Variants in NUP188 observed in about 807,000 individuals in gnomAD.
NUP188 encodes nucleoporin 188.
In NUP188, 97 loss-of-function variants were observed where a neutral mutation model predicts 223.0. The ratio of observed to expected loss-of-function variants is 0.43; its 90% CI spans 0.37 to 0.51. NUP188 has a LOEUF of 0.51. NUP188 is among the 20% of genes least tolerant of loss of function. The pLI, the probability that NUP188 is intolerant of heterozygous loss-of-function variation, is 0.00. For synonymous variants in NUP188, 869 were observed against 828.0 expected, an observed-to-expected ratio of 1.05 and a Z score of -0.85; for missense variants, 1,947 against 2,175.6, an observed-to-expected ratio of 0.89 and a Z score of 2.09.
intron 20 of NUP188, among the ~76,000 whole-genome samples, chr9:128,985,495 C>T (rs1842320775): frequency 6.6e-6 from 1 of 152,146 alleles, no homozygotes; most frequent in South Asian, 2.1e-4. Flanking sequence ...TAATGGGTTA[C>T]AACTCGGTTT....
chr9:128,994,789 T>C, intron 28 of NUP188, 67 bp from the exon 29 acceptor site: 1 of 1,307,364 alleles, frequency 7.6e-7, no homozygotes, highest in South Asian at 1.2e-5. Context: ...CTCTGTTCCC[T>C]GTTTGATATA....
intron 2 of NUP188, among the ~76,000 whole-genome samples, chr9:128,951,066 C>T (rs1286568892): frequency 6.6e-6 from 1 of 152,070 alleles, no homozygotes; most frequent in Admixed American, 6.6e-5. Flanking sequence ...AATCCCAGCA[C>T]TTTGGGAGGC....
In NUP188 at chr9:128,960,106, C is replaced by T. The variant is rs533496085; in HGVS notation, c.585+972C>T. On this transcript the variant is annotated intron_variant, in intron 8 of 43. Transcript: ENST00000372577. ...TGAGACAGAGTCTCACTCTGTTGCA[C>T]AGGCTGGAATGCAGTGGTGAGATCT... Among the ~76,000 whole-genome samples the T allele has an allele frequency of 3.2e-3, 437 of 137,638 alleles. 1 individual carries two copies. The highest frequency in any genetic ancestry group is 5.1e-3 in the Non-Finnish European group (330 of 65,148). The allele number at this position is 137,638 out of a possible 152,430, so 90.3% of individuals were successfully genotyped here.
At chr9:128,969,744 C>G (rs559309197) in intron 10 of NUP188, among the ~76,000 whole-genome samples, 37 of 152,294 alleles carry the variant, frequency 2.4e-4, no homozygotes, top group African/African-American at 7.7e-4. Flanking sequence ...ACTTCCACCT[C>G]CTGGGTTCAA....
intron 4 of NUP188, among the ~76,000 whole-genome samples, 177 bp from the exon 5 acceptor site, chr9:128,956,775 T>C (rs1841877462): frequency 1.3e-5 from 2 of 152,230 alleles, no homozygotes; most frequent in Admixed American, 1.3e-4. Flanking sequence ...AAAAATTGTA[T>C]GTCAGTGACT....
In NUP188 at chr9:129,005,403, C is replaced by G. The variant is rs1444950487; in HGVS notation, c.4610C>G (p.Ala1537Gly). Residue 1537 changes from alanine (A) to glycine (G), a missense_variant, in exon 40 of 44, where the codon GCT becomes GGT. By Grantham distance (60) the Ala-to-Gly change is moderately conservative. This residue lies in a region of NUP188 where 905 missense variants were observed against 990.6 expected (regional missense o/e 0.91). Coordinates refer to ENST00000372577, the MANE Select transcript of NUP188 (RefSeq NM_015354.3). ...CCCTCCTCCTCAAAGCAGCCCGCTGCTGACACAGAGGCATCAGAGCAGCAG... is the reference window on the plus strand; with the variant it reads ...CCCTCCTCCTCAAAGCAGCCCGCTGGTGACACAGAGGCATCAGAGCAGCAG... ...AAPSSSKQPA[A>G]DTEASEQQAL... is the part of the protein sequence containing the mutation. The G allele has an allele frequency of 6.2e-7, 1 of 1,611,850 alleles. No homozygotes were observed.
intron 12 of NUP188, among the ~76,000 whole-genome samples, chr9:128,978,662 A>G (rs903935546): frequency 6.6e-6 from 1 of 151,814 alleles, no homozygotes; most frequent in Non-Finnish European, 1.5e-5. Context: ...GTCTTTAAAT[A>G]TAAATAAATA....
intron 25 of NUP188, 95 bp downstream of exon 25, chr9:128,990,321 A>G: frequency 1.0e-6 from 1 of 961,664 alleles, no homozygotes; most frequent in South Asian, 1.3e-5. Flanking sequence ...GCAGCGGCTT[A>G]ACGCCTGTAT....
Position 128,983,313 on chromosome 9 carries a change from C to T in NUP188, c.1817C>T (p.Pro606Leu). Residue 606 changes from proline to leucine, a missense_variant, in exon 18 of 44, where the codon CCA becomes CTA. Coordinates refer to ENST00000372577, the MANE Select transcript of NUP188 (RefSeq NM_015354.3). ...LLQRLTTVIS[P>L]PVDVIASCVN... ...ACCAGGTTAACGACAGTGATCTCCC[C>T]ACCTGTGGATGTCATTGCTTCTTGT... The T allele has an allele frequency of 6.2e-7, 1 of 1,614,088 alleles. No homozygotes were observed. The highest frequency in any genetic ancestry group is 8.5e-7 in the Non-Finnish European group (1 of 1,179,994).
Position 128,995,477 on chromosome 9 carries a change from C to T in NUP188, c.3314C>T (p.Ser1105Phe), listed in dbSNP as rs1487312135. 1.2e-6 allele frequency: 2 copies of T among 1,608,486 alleles called. No individual in the cohort carries two copies. The highest frequency in any genetic ancestry group is 2.7e-5 in the African/African-American group (2 of 74,738). ...TSLLEYQMLV[S>F]AWRMLLIIAT... ...TTGTTAGAGTACCAGATGCTGGTGT[C>T]CGCCTGGAGGATGCTTCTCATCATT... Residue 1105 changes from serine to phenylalanine, a missense_variant, in exon 30 of 44, where the codon TCC (serine) becomes TTC (phenylalanine). Physicochemically the swap from Ser to Phe is radical, Grantham distance 155 (BLOSUM62 -2). Transcript: ENST00000372577.
chr9:129,005,352 G>T lies in NUP188; in HGVS notation c.4559G>T (p.Arg1520Met), dbSNP rs1204355940. 6.2e-7 allele frequency: 1 copy of T among 1,613,978 alleles called. No homozygotes were observed. Among genetic ancestry groups the T allele is most frequent in the South Asian group, 1.1e-5 (1 of 91,088 alleles). Residue 1520 changes from arginine to methionine, a missense_variant, in exon 40 of 44, where the codon AGG (arginine) becomes ATG (methionine). By Grantham distance (91) the Arg-to-Met change is moderately conservative. Coordinates refer to ENST00000372577, the MANE Select transcript of NUP188 (RefSeq NM_015354.3). ...LPSAVAQRVQ[R>M]PPSAASAAPS... ...TCAGCTGTTGCCCAGCGAGTCCAGAGGCCACCGTCTGCTGCTTCTGCTGCC... is the reference window on the plus strand; with the variant it reads ...TCAGCTGTTGCCCAGCGAGTCCAGATGCCACCGTCTGCTGCTTCTGCTGCC...
intron 2 of NUP188, among the ~76,000 whole-genome samples, 191 bp from the exon 3 acceptor site, chr9:128,952,582 G>A (rs1334882622): frequency 1.3e-5 from 2 of 151,896 alleles, no homozygotes; most frequent in Non-Finnish European, 2.9e-5. Context: ...AATTAGCTGG[G>A]TGTGGTGGCT....
At chr9:129,003,519 C>G in intron 38 of NUP188, 65 bp downstream of exon 38, 1 of 1,552,534 alleles carries the variant, frequency 6.4e-7, no homozygotes, top group Non-Finnish European at 8.8e-7. Context: ...GCTGTGAGGT[C>G]TCACTGGGGC....
At chr9:128,963,828 T>A (rs1052711455) in intron 8 of NUP188, among the ~76,000 whole-genome samples, 9 of 149,750 alleles carry the variant, frequency 6.0e-5, no homozygotes, top group Non-Finnish European at 8.9e-5. Flanking sequence ...TTTTTTTTTT[T>A]ATTTTTGAGA....
At chr9:128,969,641 A>C in intron 10 of NUP188, 127 bp downstream of exon 10, 1 of 547,512 alleles carries the variant, frequency 1.8e-6, no homozygotes, top group Non-Finnish European at 3.2e-6. Context: ...GAGGTTCTAC[A>C]ATGTTTTCGT....
chr9:128,948,501 G>C, intron 1 of NUP188: 1 of 152,044 alleles, frequency 6.6e-6, no homozygotes, highest in East Asian at 1.9e-4. Context: ...CTATTTCACA[G>C]ATGACTCAGA....
At position 128,993,698 on chromosome 9, in the gene NUP188, A is replaced by C. The variant is rs760063813; in HGVS notation, c.3017+4A>C. ...CCATGCTGGTCCTCCGAACCAAGTAAGTCTGCCTCTGGGAGTAGTTTCATT... is the reference window on the plus strand; with the variant it reads ...CCATGCTGGTCCTCCGAACCAAGTACGTCTGCCTCTGGGAGTAGTTTCATT... On this transcript the variant is annotated splice_donor_region_variant and intron_variant, in intron 27 of 43. Coordinates refer to ENST00000372577, the MANE Select transcript of NUP188 (RefSeq NM_015354.3). 1 of 1,613,772 alleles carries C rather than the reference A, an allele frequency of 6.2e-7. No homozygotes were observed. Among genetic ancestry groups the C allele is most frequent in the Non-Finnish European group, 8.5e-7 (1 of 1,179,898 alleles).
rs762401400 is a variant in NUP188 at position 128,988,077 on chromosome 9, G to C, written c.2424G>C (p.Gln808His). ...SDGAEGQGQG[Q>H]LLIKTVKLAF... is the part of the protein sequence containing the mutation. ...GGGCAGAGGGCCAGGGGCAGGGCCA[G>C]CTGCTGATCAAGACAGTGAAACTGG... The change falls in exon 24 of 44, where the codon CAG (glutamine) becomes CAC (histidine). Residue 808 changes from glutamine (Q) to histidine (H), a missense_variant. By Grantham distance (24) the Gln-to-His change is conservative. Coordinates refer to ENST00000372577, the MANE Select transcript of NUP188 (RefSeq NM_015354.3). The C allele has an allele frequency of 5.6e-6, 9 of 1,614,258 alleles. No individual in the cohort carries two copies. In the Admixed American group the frequency reaches 1.5e-4, roughly 27 times the overall value.
chr9:128,956,184 T>TGG (rs1373706177), intron 3 of NUP188, among the ~76,000 whole-genome samples, 166 bp from the exon 4 acceptor site: 2 of 104,042 alleles, frequency 1.9e-5, no homozygotes, highest in Non-Finnish European at 3.6e-5. Flanking sequence ...GGTGAATGGG[T>TGG]GTGTGTGTGT....
Sources: allele counts gnomAD v4.1 joint callset (sites outside exome capture counted in the v4.1 genomes callset), GRCh38; gene constraint gnomAD v4.1.1; regional missense constraint gnomAD v4.1.1; transcripts MANE v1.5; gene names NCBI Gene and HGNC (gene_info 2026-07-23, HGNC 2026-07-21).